The following FAM135A variants were observed in gnomAD, a reference collection of about 807,000 sequenced individuals.
FAM135A encodes the protein family with sequence similarity 135 member A, also known as protein FAM135A.
In FAM135A, 79 loss-of-function variants were observed where a neutral mutation model predicts 146.8. The ratio of observed to expected loss-of-function variants is 0.54; its 90% CI spans 0.45 to 0.65. The LOEUF is 0.65. Among genes scored for constraint, FAM135A ranks in the 30% least tolerant of loss-of-function variants. FAM135A has a pLI of 0.00. For synonymous variants in FAM135A, 562 were observed against 603.6 expected (o/e 0.93, Z 1.01); for missense variants, 1,623 against 1,758.2 (o/e 0.92, Z 1.38).
intron 5 of FAM135A, among the ~76,000 whole-genome samples, chr6:70,463,216 A>G (rs1388492990): frequency 6.6e-6 from 1 of 151,918 alleles, no homozygotes; most frequent in Non-Finnish European, 1.5e-5. Flanking sequence ...AACTCCCCTA[A>G]GCAGTTAGAT....
intron 2 of FAM135A, among the ~76,000 whole-genome samples, chr6:70,421,073 G>A (rs1158424144): frequency 9.9e-5 from 15 of 151,884 alleles, no homozygotes; most frequent in Admixed American, 7.2e-4. Flanking sequence ...ATAGAGACAC[G>A]GTTTTGCCAT....
chr6:70,470,265 T>C (rs984055622), intron 5 of FAM135A, among the ~76,000 whole-genome samples: 1 of 152,244 alleles, frequency 6.6e-6, no homozygotes, highest in Non-Finnish European at 1.5e-5. Context: ...ACAGTTTCTG[T>C]GTGTCAGAAA....
chr6:70,529,893 T>C (rs564388129), intron 16 of FAM135A, among the ~76,000 whole-genome samples: 66 of 152,142 alleles, frequency 4.3e-4, no homozygotes, highest in African/African-American at 1.6e-3. Flanking sequence ...AAACCCCGTC[T>C]CTACTAAAAA....
At position 70,449,960 on chromosome 6, in the gene FAM135A, C is replaced by T. The variant is rs139584081; in HGVS notation, c.78-2532C>T. Among the ~76,000 whole-genome samples the T allele has an allele frequency of 5.0e-3, 757 of 152,198 alleles. 2 individuals are homozygous for T. The highest frequency in any genetic ancestry group is 0.017 in the Middle Eastern group (5 of 294). On this transcript the variant is annotated intron_variant, in intron 4 of 21. Transcript: ENST00000418814. ...TTCTTTTTGATAATAGCCATTCTAA[C>T]GGATGTGGGTGATTCTTATGGTATT...
chr6:70,557,282 A>G (rs188720991), intron 21 of FAM135A: 10 of 228,496 alleles, frequency 4.4e-5, no homozygotes, highest in East Asian at 3.5e-4. Flanking sequence ...AACAAAATAA[A>G]TTTAAAGTAT....
chr6:70,496,106 A>G (rs925259179), intron 11 of FAM135A, among the ~76,000 whole-genome samples: 8 of 152,174 alleles, frequency 5.3e-5, no homozygotes, highest in Admixed American at 3.3e-4. Flanking sequence ...ATACGTGTGC[A>G]TGTATCTTTA....
chr6:70,418,727 C>G (rs1168667797), intron 2 of FAM135A, among the ~76,000 whole-genome samples: 2 of 152,210 alleles, frequency 1.3e-5, no homozygotes, highest in Admixed American at 6.5e-5. Context: ...CTCAGCCAAT[C>G]AAGAAGGAAA....
chr6:70,523,888 G>A, intron 13 of FAM135A, 79 bp from the exon 14 acceptor site: 1 of 1,414,252 alleles, frequency 7.1e-7, no homozygotes, highest in Non-Finnish European at 9.6e-7. Flanking sequence ...GAGGAGGGAA[G>A]GGGAAAGGGT....
intron 5 of FAM135A, among the ~76,000 whole-genome samples, chr6:70,464,677 T>TC (rs1293322300): frequency 7.2e-6 from 1 of 139,690 alleles, no homozygotes; most frequent in African/African-American, 2.7e-5. Context: ...CTTTTTTTTT[T>TC]TTTTTTGAGA....
chr6:70,435,081 G>GTATATATATA (rs767689681), intron 4 of FAM135A, among the ~76,000 whole-genome samples: 1 of 94,330 alleles, frequency 1.1e-5, no homozygotes, highest in Non-Finnish European at 1.9e-5. Context: ...GTGTGTGTGT[G>GTATATATATA]TATATATATA....
rs1248483372 is a variant in FAM135A at position 70,559,706 on chromosome 6, G to T, written c.4343-10G>T. ...TGAACTAATTTTCCTTTTTTCTGTTGGTTCCATAGGACAGATCTATTCAGA... is the reference window on the plus strand; with the variant it reads ...TGAACTAATTTTCCTTTTTTCTGTTTGTTCCATAGGACAGATCTATTCAGA... On this transcript the variant is annotated splice_polypyrimidine_tract_variant and intron_variant, in intron 21 of 21. Coordinates refer to ENST00000418814, the MANE Select transcript of FAM135A (RefSeq NM_001162529.3). 9 of 1,576,334 alleles carry T rather than the reference G, an allele frequency of 5.7e-6. No homozygotes were observed. The highest frequency in any genetic ancestry group is 3.6e-5 in the Admixed American group (2 of 55,222).
chr6:70,422,989 G>A (rs1304199338), intron 2 of FAM135A, among the ~76,000 whole-genome samples: 1 of 152,136 alleles, frequency 6.6e-6, no homozygotes, highest in African/African-American at 2.4e-5. Flanking sequence ...GGTATGCCAG[G>A]AATAAAGAAT....
In FAM135A at chr6:70,518,480, A is replaced by T. The variant is rs552100622; in HGVS notation, c.1030-4033A>T. Among the ~76,000 whole-genome samples the T allele has an allele frequency of 3.9e-5, 6 of 152,354 alleles. No individual in the cohort carries two copies. The South Asian group carries it at 1.2e-3, about 32-fold the overall frequency. ...AATAATTGATGAAGGTGGCTGCACT[A>T]AACAACAGGTTTTCAATGGAGATAA... On this transcript the variant is annotated intron_variant, in intron 12 of 21. Transcript: ENST00000418814.
At chr6:70,507,627 A>G (rs1221702332) in intron 12 of FAM135A, among the ~76,000 whole-genome samples, 1 of 152,176 alleles carries the variant, frequency 6.6e-6, no homozygotes, top group Admixed American at 6.5e-5. Context: ...ATTATTTAAT[A>G]TTAAGATCCA....
intron 20 of FAM135A, among the ~76,000 whole-genome samples, chr6:70,555,096 A>C (rs922559626): frequency 6.6e-6 from 1 of 152,134 alleles, no homozygotes; most frequent in Non-Finnish European, 1.5e-5. Context: ...GTTAGACTTT[A>C]TATTTTGCTT....
At chr6:70,480,367 C>T (rs749672205) in intron 8 of FAM135A, among the ~76,000 whole-genome samples, 2 of 151,862 alleles carry the variant, frequency 1.3e-5, no homozygotes, top group Non-Finnish European at 2.9e-5. Flanking sequence ...CTGCTAGGGA[C>T]TTGAATAATA....
At chr6:70,521,052 C>G (rs542226599) in intron 12 of FAM135A, among the ~76,000 whole-genome samples, 2 of 152,264 alleles carry the variant, frequency 1.3e-5, no homozygotes, top group East Asian at 3.9e-4. Context: ...GTCTTTGTTT[C>G]CTCACCTATT....
intron 12 of FAM135A, among the ~76,000 whole-genome samples, chr6:70,508,632 CA>C (rs1790321186): frequency 6.6e-6 from 1 of 152,098 alleles, no homozygotes; most frequent in South Asian, 2.1e-4. Flanking sequence ...TGGAGTCAGA[CA>C]AAGTAACAGT....
At chr6:70,415,123 T>C (rs1486729240) in intron 1 of FAM135A, among the ~76,000 whole-genome samples, 168 bp from the exon 2 acceptor site, 1 of 152,230 alleles carries the variant, frequency 6.6e-6, no homozygotes, top group Non-Finnish European at 1.5e-5. Flanking sequence ...AATTTTTTAA[T>C]TGAGCAGAAG....
Sources: gnomAD v4.1 joint callset for allele counts (sites outside exome capture counted in the v4.1 genomes callset) on GRCh38, gnomAD v4.1.1 for gene constraint, MANE v1.5 for transcripts, NCBI Gene and HGNC (gene_info 2026-07-23, HGNC 2026-07-21) for gene names.